The following NKAIN2 variants were observed in gnomAD, a reference collection of about 807,000 sequenced individuals.
NKAIN2 encodes the protein sodium/potassium-transporting ATPase subunit beta-1-interacting protein 2.
NKAIN2 carries 14 observed loss-of-function variants against 32.6 expected under a neutral mutation model. The observed-to-expected ratio is 0.43, with a 90% confidence interval of 0.28 to 0.67. The LOEUF is 0.67. Ranked by LOEUF, NKAIN2 falls within the 30% of genes least tolerant of loss-of-function variation. NKAIN2 has a pLI of 0.17. For synonymous variants in NKAIN2, 80 were observed against 87.2 expected, an observed-to-expected ratio of 0.92 and a Z score of 0.46; for missense variants, 198 against 258.3, an observed-to-expected ratio of 0.77 and a Z score of 1.60.
At chr6:124,757,134 T>G (rs1000108181) in intron 4 of NKAIN2, among the ~76,000 whole-genome samples, 2 of 152,274 alleles carry the variant, frequency 1.3e-5, no homozygotes, top group East Asian at 3.9e-4. Flanking sequence ...AGAGCAACTC[T>G]GCTGCTATTA....
At position 123,892,508 on chromosome 6, in the gene NKAIN2, G is replaced by A. The variant is rs1046131093; in HGVS notation, c.54+88254G>A. 2.0e-5 allele frequency among the ~76,000 whole-genome samples: 3 copies of A among 150,554 alleles called. No homozygotes were observed. The South Asian group carries it at 6.4e-4, about 32-fold the overall frequency. On this transcript the variant is annotated intron_variant, in intron 1 of 6. Coordinates refer to ENST00000368417, the MANE Select transcript of NKAIN2 (RefSeq NM_001040214.3). ...CTCGCTATCATGAGAACAGCATGGG[G>A]GAAACCACCCCCATGATCCAATTAC...
intron 2 of NKAIN2, among the ~76,000 whole-genome samples, chr6:124,342,785 A>T (rs948284383): frequency 1.3e-5 from 2 of 150,048 alleles, no homozygotes; most frequent in African/African-American, 5.0e-5. Context: ...GATTACAAGG[A>T]TGAGCCACCA....
chr6:124,676,357 T>A (rs1456323368), intron 4 of NKAIN2, among the ~76,000 whole-genome samples: 9 of 152,194 alleles, frequency 5.9e-5, no homozygotes, highest in Non-Finnish European at 1.3e-4. Context: ...TATATTGTTG[T>A]TCTAGTCCTC....
intron 3 of NKAIN2, among the ~76,000 whole-genome samples, chr6:124,438,933 G>C (rs977853188): frequency 6.6e-6 from 1 of 151,978 alleles, no homozygotes; most frequent in African/African-American, 2.4e-5. Flanking sequence ...GTTAATAAAG[G>C]CTTGCTCCTA....
intron 3 of NKAIN2, among the ~76,000 whole-genome samples, chr6:124,433,694 C>G (rs756069414): frequency 2.6e-5 from 4 of 152,074 alleles, no homozygotes; most frequent in African/African-American, 9.7e-5. Flanking sequence ...CCAGGTGAAT[C>G]GGCACTATTA....
intron 3 of NKAIN2, among the ~76,000 whole-genome samples, chr6:124,546,890 A>G (rs1445617863): frequency 6.6e-6 from 1 of 152,204 alleles, no homozygotes; most frequent in Non-Finnish European, 1.5e-5. Context: ...ATGGCCCATT[A>G]CAAAAGTGTC....
intron 1 of NKAIN2, among the ~76,000 whole-genome samples, chr6:123,806,576 T>C (rs34012285): frequency 6.6e-6 from 1 of 152,110 alleles, no homozygotes; most frequent in African/African-American, 2.4e-5. Flanking sequence ...TTGCTCTCAA[T>C]AGATTTTTAA....
intron 1 of NKAIN2, among the ~76,000 whole-genome samples, chr6:124,152,312 T>C (rs931859557): frequency 6.6e-6 from 1 of 151,992 alleles, no homozygotes; most frequent in African/African-American, 2.4e-5. Flanking sequence ...ATTAGTCTAA[T>C]TGTGAATTTT....
chr6:123,910,826 A>G (rs1236694459), intron 1 of NKAIN2, among the ~76,000 whole-genome samples: 1 of 152,018 alleles, frequency 6.6e-6, no homozygotes, highest in Non-Finnish European at 1.5e-5. Flanking sequence ...TAAATTTAGA[A>G]GTTTCACCTC....
intron 1 of NKAIN2, among the ~76,000 whole-genome samples, chr6:123,911,137 G>C (rs1775157828): frequency 6.6e-6 from 1 of 151,952 alleles, no homozygotes; most frequent in African/African-American, 2.4e-5. Flanking sequence ...TAACTACAAG[G>C]AATATGTATA....
chr6:123,866,605 T>A (rs1772529477), intron 1 of NKAIN2, among the ~76,000 whole-genome samples: 1 of 152,070 alleles, frequency 6.6e-6, no homozygotes. Flanking sequence ...CAATTTTTTG[T>A]ATTTTTAGTA....
chr6:124,170,203 T>G (rs1369743516), intron 1 of NKAIN2, among the ~76,000 whole-genome samples: 6 of 152,204 alleles, frequency 3.9e-5, no homozygotes, highest in Admixed American at 3.3e-4. Context: ...TTTGTACTCC[T>G]CTTTGCACTC....
chr6:123,897,811 T>G (rs895255975), intron 1 of NKAIN2, among the ~76,000 whole-genome samples: 2 of 152,146 alleles, frequency 1.3e-5, no homozygotes, highest in African/African-American at 4.8e-5. Context: ...CCCTCTTCCC[T>G]TCACTGCCTC....
intron 1 of NKAIN2, among the ~76,000 whole-genome samples, chr6:123,825,821 A>G (rs1774125087): frequency 6.6e-6 from 1 of 152,126 alleles, no homozygotes; most frequent in African/African-American, 2.4e-5. Flanking sequence ...AGCATTTGGT[A>G]TGATACGTGT....
intron 3 of NKAIN2, among the ~76,000 whole-genome samples, chr6:124,606,233 GA>G (rs996442748): frequency 0.01 from 1,495 of 147,004 alleles, 28 homozygotes; most frequent in African/African-American, 0.025. Context: ...TGATCTCAGA[GA>G]AAAAAAAAAT....
At chr6:124,472,153 A>C (rs1216092907) in intron 3 of NKAIN2, among the ~76,000 whole-genome samples, 1 of 152,162 alleles carries the variant, frequency 6.6e-6, no homozygotes, top group Non-Finnish European at 1.5e-5. Flanking sequence ...TGATAACATC[A>C]AAATATCTGT....
At chr6:124,695,075 T>C (rs1774435510) in intron 4 of NKAIN2, among the ~76,000 whole-genome samples, 1 of 152,072 alleles carries the variant, frequency 6.6e-6, no homozygotes, top group Non-Finnish European at 1.5e-5. Flanking sequence ...TAGTGTTTTT[T>C]CAGTAGTGCA....
chr6:124,574,358 C>T (rs1781249614), intron 3 of NKAIN2, among the ~76,000 whole-genome samples: 1 of 151,892 alleles, frequency 6.6e-6, no homozygotes, highest in African/African-American at 2.4e-5. Flanking sequence ...TGGCTCACAC[C>T]TGTAATCCCA....
intron 1 of NKAIN2, among the ~76,000 whole-genome samples, chr6:123,880,909 C>A (rs560748997): frequency 6.6e-6 from 1 of 152,272 alleles, no homozygotes; most frequent in Admixed American, 6.5e-5. Context: ...ATTCTTTAGT[C>A]AGCTTTAGTG....
Sources: gnomAD v4.1 joint callset for allele counts (sites outside exome capture counted in the v4.1 genomes callset) on GRCh38, gnomAD v4.1.1 for gene constraint, MANE v1.5 for transcripts, NCBI Gene and HGNC (gene_info 2026-07-23, HGNC 2026-07-21) for gene names.